The following SYTL3 variants were observed in gnomAD, a reference collection of about 807,000 sequenced individuals.
The protein encoded by SYTL3 is synaptotagmin-like protein 3.
A neutral mutation model predicts 82.1 loss-of-function variants in SYTL3; 88 were observed. The observed-to-expected ratio is 1.07, with a 90% CI of 0.90 to 1.28. The LOEUF is 1.28. Among genes scored for constraint, SYTL3 ranks in the 50% most tolerant of loss-of-function variants. The probability of loss-of-function intolerance (pLI) is 0.00; values close to 1 mark genes in which losing one functional copy is unlikely to be tolerated. For synonymous variants in SYTL3, 311 were observed against 289.4 expected (o/e 1.07, Z -0.76); for missense variants, 831 against 757.6 (o/e 1.10, Z -1.14).
At chr6:158,733,695 G>A (rs1785725784) in intron 11 of SYTL3, among the ~76,000 whole-genome samples, 1 of 152,046 alleles carries the variant, frequency 6.6e-6, no homozygotes, top group African/African-American at 2.4e-5. Flanking sequence ...GTAAAGTCTG[G>A]CTCCAGCCAG....
intron 4 of SYTL3, chr6:158,663,705 T>G (rs1212822961): frequency 2.3e-5 from 16 of 699,972 alleles, no homozygotes; most frequent in Non-Finnish European, 2.8e-5. Flanking sequence ...AGGCTTCCAG[T>G]TTACCCCTTC....
At chr6:158,717,595 T>A (rs1583349926) in intron 9 of SYTL3, among the ~76,000 whole-genome samples, 1 of 152,100 alleles carries the variant, frequency 6.6e-6, no homozygotes, top group African/African-American at 2.4e-5. Flanking sequence ...TACAGTCATC[T>A]TTCCAGGGTT....
At chr6:158,645,437 A>G (rs565649646), upstream of SYTL3, among the ~76,000 whole-genome samples, 3 of 152,168 alleles carry the variant, frequency 2.0e-5, no homozygotes, top group East Asian at 1.9e-4. Flanking sequence ...ATATGCATCT[A>G]TTGGCAGGTA....
At chr6:158,645,373 A>G (rs1229327179), upstream of SYTL3, among the ~76,000 whole-genome samples, 1 of 152,164 alleles carries the variant, frequency 6.6e-6, no homozygotes, top group African/African-American at 2.4e-5. Flanking sequence ...TTCTTTATGG[A>G]AATTAGGAAT....
chr6:158,704,069 C>T (rs1189458924), intron 6 of SYTL3, among the ~76,000 whole-genome samples: 2 of 151,812 alleles, frequency 1.3e-5, no homozygotes, highest in Non-Finnish European at 2.9e-5. Context: ...TCAAGTGATC[C>T]GCCTGCCTCA....
Position 158,746,754 on chromosome 6 carries a change from A to G in SYTL3, c.1034+1096A>G, listed in dbSNP as rs1022866144. 1.3e-4 allele frequency among the ~76,000 whole-genome samples: 19 copies of G among 151,216 alleles called. No individual in the cohort carries two copies. The East Asian group carries it at 3.2e-3, about 25-fold the overall frequency. On this transcript the variant is annotated intron_variant, in intron 12 of 17. Transcript: ENST00000611299. ...GCTGGGATTACAGGCATGAGCCACC[A>G]CACCCGGCCAGCACTATTATTTTAA...
intron 13 of SYTL3, among the ~76,000 whole-genome samples, 170 bp from the exon 14 acceptor site, chr6:158,757,041 C>T (rs9347250): frequency 0.25 from 37,389 of 150,664 alleles, 6,328 homozygotes; most frequent in East Asian, 0.84. Flanking sequence ...TTGACCCACC[C>T]TAACCACATC....
chr6:158,693,850 C>CTTTTTTTTTTTTTTTTTTTTTTTTTTTT (rs1357595960), intron 6 of SYTL3, among the ~76,000 whole-genome samples: 1 of 58,438 alleles, frequency 1.7e-5, no homozygotes, highest in Non-Finnish European at 3.1e-5. Context: ...CTTTCTTTTT[C>CTTTTTTTTTTTTTTTTTTTTTTTTTTTT]TTTTCTTTTT....
At chr6:158,718,713 AATT>A (rs1221407369) in intron 10 of SYTL3, among the ~76,000 whole-genome samples, 1 of 152,250 alleles carries the variant, frequency 6.6e-6, no homozygotes, top group Admixed American at 6.5e-5. Flanking sequence ...CTAGGGAAAT[AATT>A]ATTCCACCTT....
intron 6 of SYTL3, among the ~76,000 whole-genome samples, chr6:158,704,894 G>A: frequency 1.4e-5 from 1 of 72,826 alleles, no homozygotes; most frequent in Non-Finnish European, 2.7e-5. Context: ...AGGCCACATA[G>A]GGCAGGAGGG....
At chr6:158,748,854 A>G (rs1011851919) in intron 12 of SYTL3, among the ~76,000 whole-genome samples, 7 of 151,060 alleles carry the variant, frequency 4.6e-5, no homozygotes, top group African/African-American at 7.3e-5. Flanking sequence ...TGAAAAAAAA[A>G]AAAATAGAGA....
chr6:158,705,111 CT>C (rs1419758961), intron 6 of SYTL3, among the ~76,000 whole-genome samples: 4 of 74,680 alleles, frequency 5.4e-5, no homozygotes, highest in African/African-American at 8.7e-5. Context: ...CAGGAGGGAC[CT>C]GGGGACAGGG....
Position 158,757,000 on chromosome 6 carries a change from AC to A in SYTL3, c.1138-204del, listed in dbSNP as rs55885095. The stretch of plus-strand genomic sequence containing the variant: ...GGAGGGGTTCTTGAGCAGAGAGAGG[AC>A]CCCCCCGCCCCACCCTGGCTGTAAG... On this transcript the variant is annotated intron_variant, in intron 13 of 17. Coordinates refer to ENST00000611299, the MANE Select transcript of SYTL3 (RefSeq NM_001242394.2). Among the ~76,000 whole-genome samples the A allele has an allele frequency of 7.7e-5, 11 of 142,028 alleles. No homozygotes were observed. In the East Asian group the frequency reaches 2.1e-3, roughly 27 times the overall value. The allele number at this position is 142,028 out of a possible 152,430, so 93.2% of individuals were successfully genotyped here. A position where few individuals can be genotyped will look rare whatever the true frequency, so the allele number is the denominator to read the frequency against.
chr6:158,673,142 G>T (rs537374048), intron 5 of SYTL3, among the ~76,000 whole-genome samples: 6 of 152,106 alleles, frequency 3.9e-5, no homozygotes, highest in Non-Finnish European at 8.8e-5. Flanking sequence ...TATCCAGGCT[G>T]GTCTTGAACT....
chr6:158,655,011 C>T (rs1028933055), intron 2 of SYTL3, among the ~76,000 whole-genome samples: 3 of 152,088 alleles, frequency 2.0e-5, no homozygotes, highest in African/African-American at 7.2e-5. Context: ...CAGGTGAGGA[C>T]GGTGCCTGAC....
intron 15 of SYTL3, among the ~76,000 whole-genome samples, chr6:158,760,987 C>T (rs1032707092): frequency 6.6e-6 from 1 of 152,176 alleles, no homozygotes; most frequent in African/African-American, 2.4e-5. Flanking sequence ...CTACGCTCCT[C>T]TAAGGACACT....
intron 13 of SYTL3, among the ~76,000 whole-genome samples, chr6:158,752,951 A>C (rs370606500): frequency 6.6e-6 from 1 of 152,286 alleles, no homozygotes; most frequent in East Asian, 1.9e-4. Context: ...TCATTTACCC[A>C]CGGGGAAACT....
rs547500197 is a variant in SYTL3, at chr6:158,718,001, G to T, written c.596-86G>T. 6.8e-6 allele frequency: 9 copies of T among 1,332,072 alleles called. No individual in the cohort carries two copies. The East Asian group carries it at 2.2e-4, about 33-fold the overall frequency. 82.5% of individuals were successfully genotyped at this position (1,332,072 alleles called of 1,614,324 possible). A position where few individuals can be genotyped will look rare whatever the true frequency, so the allele number is the denominator to read the frequency against. On this transcript the variant is annotated intron_variant, in intron 9 of 17. Coordinates refer to ENST00000611299, the MANE Select transcript of SYTL3 (RefSeq NM_001242394.2). Reference sequence around the variant, plus strand: ...TAAGACCTTGGGACCCACTGTCTGTGGGTTCAGTGAACCCCAGAAGAGGCT... The same window carrying T: ...TAAGACCTTGGGACCCACTGTCTGTTGGTTCAGTGAACCCCAGAAGAGGCT...
upstream of SYTL3, among the ~76,000 whole-genome samples, chr6:158,646,267 G>A (rs1466791942): frequency 6.6e-6 from 1 of 152,142 alleles, no homozygotes; most frequent in Non-Finnish European, 1.5e-5. Flanking sequence ...CTGGGCTCAA[G>A]GTATTCTCCT....
Sources: allele counts gnomAD v4.1 joint callset (sites outside exome capture counted in the v4.1 genomes callset), GRCh38; gene constraint gnomAD v4.1.1; transcripts MANE v1.5; gene names NCBI Gene and HGNC (gene_info 2026-07-23, HGNC 2026-07-21).